Variants in RASAL2 observed in about 807,000 individuals in gnomAD.
RASAL2 encodes ras GTPase-activating protein nGAP.
RASAL2 carries 58 observed loss-of-function variants against 128.9 expected under a neutral mutation model. The observed-to-expected ratio is 0.45, with a 90% CI of 0.36 to 0.56. The LOEUF (loss-of-function observed/expected upper bound fraction) is 0.56. RASAL2 is among the 20% of genes least tolerant of loss of function. The pLI, the probability that RASAL2 is intolerant of heterozygous loss-of-function variation, is 0.00. For synonymous variants in RASAL2, 561 were observed against 580.8 expected (o/e 0.97, Z 0.49); for missense variants, 1,360 against 1,601.6 (o/e 0.85, Z 2.57).
intron 1 of RASAL2, among the ~76,000 whole-genome samples, chr1:178,283,139 A>G (rs1464998830): frequency 1.3e-5 from 2 of 152,220 alleles, no homozygotes; most frequent in Admixed American, 1.3e-4. Flanking sequence ...GTCTGCTGAT[A>G]CATTTACTCT....
At chr1:178,372,332 G>A in intron 3 of RASAL2, 2 of 985,310 alleles carry the variant, frequency 2.0e-6, no homozygotes, top group Non-Finnish European at 2.4e-6. Context: ...GGTACGGTAG[G>A]GCTTGCTTGT....
At chr1:178,146,426 T>C (rs1288538098) in intron 1 of RASAL2, among the ~76,000 whole-genome samples, 1 of 152,258 alleles carries the variant, frequency 6.6e-6, no homozygotes, top group Non-Finnish European at 1.5e-5. Context: ...TGTTTTCTTA[T>C]GTTCAAAAAT....
chr1:178,356,052 C>T (rs1166321907), intron 3 of RASAL2, among the ~76,000 whole-genome samples: 3 of 151,736 alleles, frequency 2.0e-5, no homozygotes, highest in African/African-American at 7.3e-5. Flanking sequence ...ACCTGTAATC[C>T]CAGCTACCTG....
chr1:178,211,171 C>G (rs1441226472), intron 1 of RASAL2, among the ~76,000 whole-genome samples: 1 of 152,212 alleles, frequency 6.6e-6, no homozygotes. Context: ...ATACCATGCT[C>G]ACTTCTCCAG....
chr1:178,306,674 T>A (rs1345841903), intron 3 of RASAL2, among the ~76,000 whole-genome samples: 4 of 152,052 alleles, frequency 2.6e-5, no homozygotes, highest in Non-Finnish European at 1.5e-5. Context: ...TTTCATGTGT[T>A]TTTTGGCTGC....
At chr1:178,202,639 A>G (rs571055030) in intron 1 of RASAL2, among the ~76,000 whole-genome samples, 4 of 152,322 alleles carry the variant, frequency 2.6e-5, no homozygotes, top group African/African-American at 9.6e-5. Flanking sequence ...TGGAAGAAGC[A>G]TGATTGGAAA....
At chr1:178,207,667 T>G (rs1366660599) in intron 1 of RASAL2, among the ~76,000 whole-genome samples, 2 of 152,134 alleles carry the variant, frequency 1.3e-5, no homozygotes, top group Non-Finnish European at 2.9e-5. Flanking sequence ...TTTATCAGAC[T>G]GAAAAATGCA....
At chr1:178,348,470 T>A (rs1265238253) in intron 3 of RASAL2, among the ~76,000 whole-genome samples, 3 of 152,098 alleles carry the variant, frequency 2.0e-5, no homozygotes. Context: ...ATTTTTAAAA[T>A]TATTTTTTTG....
At chr1:178,138,495 T>C (rs1558075041) in intron 1 of RASAL2, among the ~76,000 whole-genome samples, 1 of 152,206 alleles carries the variant, frequency 6.6e-6, no homozygotes, top group African/African-American at 2.4e-5. Context: ...TGTTGGTCTC[T>C]CTTCATAACA....
At chr1:178,362,352 G>A (rs945708029) in intron 3 of RASAL2, among the ~76,000 whole-genome samples, 3 of 151,922 alleles carry the variant, frequency 2.0e-5, no homozygotes, top group African/African-American at 4.8e-5. Context: ...TATGACTTAA[G>A]GTCTATAACA....
chr1:178,372,291 CG>C (rs1671764653), intron 3 of RASAL2: 1 of 985,194 alleles, frequency 1.0e-6, no homozygotes, highest in African/African-American at 1.7e-5. Context: ...ATAGTAGCAC[CG>C]AAGAAGAGAA....
chr1:178,188,545 C>A (rs1012919798), intron 1 of RASAL2, among the ~76,000 whole-genome samples: 19 of 152,226 alleles, frequency 1.2e-4, no homozygotes, highest in African/African-American at 4.3e-4. Flanking sequence ...TGGATGATGG[C>A]AGTTTCATTT....
At chr1:178,271,912 T>G (rs190512709) in intron 1 of RASAL2, among the ~76,000 whole-genome samples, 1 of 152,094 alleles carries the variant, frequency 6.6e-6, no homozygotes, top group African/African-American at 2.4e-5. Flanking sequence ...ATTGTTGAAG[T>G]AGGACCACCG....
At chr1:178,171,819 C>T (rs907901718) in intron 1 of RASAL2, among the ~76,000 whole-genome samples, 2 of 151,934 alleles carry the variant, frequency 1.3e-5, no homozygotes, top group Admixed American at 6.6e-5. Context: ...GTAACCATCT[C>T]TACAAATTTG....
At chr1:178,305,550 A>G (rs1486558878) in intron 3 of RASAL2, among the ~76,000 whole-genome samples, 1 of 152,164 alleles carries the variant, frequency 6.6e-6, no homozygotes, top group East Asian at 1.9e-4. Context: ...GAGAAATAGA[A>G]TATTCAAGAA....
chr1:178,123,074 A>T (rs1659774326), intron 1 of RASAL2: 1 of 152,184 alleles, frequency 6.6e-6, no homozygotes, highest in South Asian at 2.1e-4. Context: ...TCTAAAAATC[A>T]CCTGGAATGC....
intron 1 of RASAL2, among the ~76,000 whole-genome samples, chr1:178,180,331 A>G (rs1224801082): frequency 2.0e-5 from 3 of 151,800 alleles, no homozygotes; most frequent in African/African-American, 7.3e-5. Context: ...TTCTTGCAAA[A>G]TTAATCTGAT....
intron 1 of RASAL2, among the ~76,000 whole-genome samples, chr1:178,256,252 A>C (rs2102108253): frequency 6.6e-6 from 1 of 152,344 alleles, no homozygotes; most frequent in South Asian, 2.1e-4. Flanking sequence ...ATAAAGGAAA[A>C]AAACATGATT....
chr1:178,133,838 A>G (rs1208556595), intron 1 of RASAL2, among the ~76,000 whole-genome samples: 1 of 152,084 alleles, frequency 6.6e-6, no homozygotes, highest in Non-Finnish European at 1.5e-5. Flanking sequence ...ATTTTCAGCT[A>G]ATTATGTTCT....
Sources: allele counts gnomAD v4.1 joint callset (sites outside exome capture counted in the v4.1 genomes callset), GRCh38; gene constraint gnomAD v4.1.1; transcripts MANE v1.5; gene names NCBI Gene and HGNC (gene_info 2026-07-23, HGNC 2026-07-21).